VCF1: variants seen among roughly 807,000 people sequenced by gnomAD.
The protein encoded by VCF1 is VCP nuclear cofactor family member 1, also known as protein VCF1.
chr17:73,209,562 G>A, the VCF1 span: 2 of 1,588,444 alleles, frequency 1.3e-6, no homozygotes, highest in Non-Finnish European at 1.7e-6. Flanking sequence ...GCTGTAGGCT[G>A]TGGAAGTGGG....
At chr17:73,230,385 T>C in the VCF1 span, among the ~76,000 whole-genome samples, 1 of 148,320 alleles carries the variant, frequency 6.7e-6, no homozygotes, top group Non-Finnish European at 1.5e-5. Context: ...TCCAATCTAC[T>C]GTGGGAGAGC....
chr17:73,227,194 G>T, the VCF1 span: 1 of 1,587,028 alleles, frequency 6.3e-7, no homozygotes, highest in African/African-American at 1.4e-5. Flanking sequence ...TGAAAGACAG[G>T]GTTTCTGCTA....
At chr17:73,226,331 G>C in the VCF1 span, among the ~76,000 whole-genome samples, 1 of 152,212 alleles carries the variant, frequency 6.6e-6, no homozygotes, top group Non-Finnish European at 1.5e-5. Flanking sequence ...TTCCCCCTTG[G>C]GGGAGTTACT....
At chr17:73,210,714 C>T in the VCF1 span, among the ~76,000 whole-genome samples, 1 of 151,442 alleles carries the variant, frequency 6.6e-6, no homozygotes, top group African/African-American at 2.4e-5. Flanking sequence ...ACCTCAGCTT[C>T]CTAAGCAGCT....
chr17:73,212,740 T>C, the VCF1 span: 4 of 1,584,074 alleles, frequency 2.5e-6, no homozygotes, highest in Non-Finnish European at 3.4e-6. Context: ...ACAGGTACTG[T>C]CTGAAAATCA....
At chr17:73,224,866 A>G in the VCF1 span, among the ~76,000 whole-genome samples, 14 of 148,968 alleles carry the variant, frequency 9.4e-5, no homozygotes, top group East Asian at 2.8e-3. Context: ...ACAGGACAGC[A>G]CAGGACAGGA....
At chr17:73,224,850 G>GACAGGACAGGACAGC in the VCF1 span, among the ~76,000 whole-genome samples, 1 of 139,544 alleles carries the variant, frequency 7.2e-6, no homozygotes, top group Non-Finnish European at 1.5e-5. Context: ...CACAGGACAG[G>GACAGGACAGGACAGC]ACAGGACAGG....
At chr17:73,216,179 C>T in the VCF1 span, among the ~76,000 whole-genome samples, 3 of 152,054 alleles carry the variant, frequency 2.0e-5, no homozygotes, top group East Asian at 5.8e-4. Context: ...CCTAATACAA[C>T]AAGCAGGAAG....
At chr17:73,230,391 A>C in the VCF1 span, among the ~76,000 whole-genome samples, 1 of 140,722 alleles carries the variant, frequency 7.1e-6, no homozygotes, top group Admixed American at 7.3e-5. Context: ...CTACTGTGGG[A>C]GAGCCTGAAA....
the VCF1 span, chr17:73,227,060 A>G: frequency 5.0e-5 from 44 of 871,884 alleles, no homozygotes; most frequent in Non-Finnish European, 7.1e-5. Flanking sequence ...ATAATCAACT[A>G]AGGTCATTTT....
At chr17:73,210,737 G>A in the VCF1 span, among the ~76,000 whole-genome samples, 15 of 150,268 alleles carry the variant, frequency 1.0e-4, no homozygotes, top group Non-Finnish European at 1.8e-4. Context: ...TACTACAAGC[G>A]TACGCCACCA....
chr17:73,218,864 A>G, the VCF1 span, among the ~76,000 whole-genome samples: 1 of 151,894 alleles, frequency 6.6e-6, no homozygotes, highest in Non-Finnish European at 1.5e-5. Context: ...CTAAAAATAC[A>G]AAAAAATTAG....
the VCF1 span, among the ~76,000 whole-genome samples, chr17:73,212,041 A>G: frequency 6.6e-6 from 1 of 152,216 alleles, no homozygotes; most frequent in Non-Finnish European, 1.5e-5. Context: ...AAAAAAATAA[A>G]GACTGGAAAG....
At chr17:73,210,223 A>AT in the VCF1 span, among the ~76,000 whole-genome samples, 1 of 152,228 alleles carries the variant, frequency 6.6e-6, no homozygotes, top group African/African-American at 2.4e-5. Context: ...ATAAGCGAAG[A>AT]TAAAAACTAA....
the VCF1 span, chr17:73,232,247 G>T: frequency 6.2e-7 from 1 of 1,611,684 alleles, no homozygotes; most frequent in Admixed American, 1.7e-5. Flanking sequence ...CCGGTGGCGA[G>T]TACCCCTCAG....
At chr17:73,226,321 T>C in the VCF1 span, among the ~76,000 whole-genome samples, 1 of 152,396 alleles carries the variant, frequency 6.6e-6, no homozygotes, top group African/African-American at 2.4e-5. Context: ...TTCCTGATTT[T>C]TCCCCCTTGG....
chr17:73,216,717 A>T, the VCF1 span, among the ~76,000 whole-genome samples: 1 of 152,182 alleles, frequency 6.6e-6, no homozygotes, highest in African/African-American at 2.4e-5. Context: ...GATATAACTA[A>T]ATTGTGAAGC....
the VCF1 span, chr17:73,207,781 C>CA: frequency 7.8e-7 from 1 of 1,283,002 alleles, no homozygotes; most frequent in African/African-American, 1.7e-5. Flanking sequence ...TTTGAAAGCT[C>CA]AAACAGCTTG....
At chr17:73,226,027 A>G in the VCF1 span, among the ~76,000 whole-genome samples, 76,795 of 149,884 alleles carry the variant, frequency 0.51, 19,732 homozygotes, top group East Asian at 0.6. Flanking sequence ...TCAGCCTCCC[A>G]AGTAGCTGGG....
Sources: gnomAD v4.1 joint callset for allele counts (sites outside exome capture counted in the v4.1 genomes callset) on GRCh38, gnomAD v4.1.1 for gene constraint, MANE v1.5 for transcripts, NCBI Gene and HGNC (gene_info 2026-07-23, HGNC 2026-07-21) for gene names.